Variants in DTX4 observed in about 807,000 individuals in gnomAD.
DTX4 encodes deltex E3 ubiquitin ligase 4, also known as E3 ubiquitin-protein ligase DTX4.
DTX4 carries 28 observed loss-of-function variants against 57.6 expected under a neutral mutation model. The ratio of observed to expected loss-of-function variants is 0.49; its 90% CI spans 0.36 to 0.67. The LOEUF (loss-of-function observed/expected upper bound fraction) is 0.67, where lower values mean the gene tolerates loss of function less well. Ranked by LOEUF, DTX4 falls within the 30% of genes least tolerant of loss-of-function variation. The probability of loss-of-function intolerance (pLI) is 0.00; values close to 1 mark genes in which losing one functional copy is unlikely to be tolerated. For synonymous variants in DTX4, 316 were observed against 331.0 expected (o/e 0.95, Z 0.49); for missense variants, 715 against 836.8 (o/e 0.85, Z 1.80).
intron 2 of DTX4, among the ~76,000 whole-genome samples, chr11:59,186,185 A>G (rs906422797): frequency 2.0e-5 from 3 of 151,930 alleles, no homozygotes; most frequent in Admixed American, 1.3e-4. Flanking sequence ...TGTTGAACCC[A>G]TAGTCTTCTT....
Position 59,199,702 on chromosome 11 carries a change from C to G in DTX4, c.1555C>G (p.Pro519Ala). The change falls in exon 8 of 9, where the codon CCT (proline) becomes GCT (alanine). Residue 519 changes from proline to alanine, a missense_variant. By Grantham distance (27) the Pro-to-Ala change is conservative (BLOSUM62 -1). Transcript: ENST00000227451. ...CTTTCAGGGACCGGAACACCCGAAT[C>G]CTGGGAAGAGTTTCAGCGCCCGAGG... ...PGIQGPEHPN[P>A]GKSFSARGFP... 6.3e-7 allele frequency: 1 copy of G among 1,577,224 alleles called. No homozygotes were observed. The highest frequency in any genetic ancestry group is 1.2e-5 in the South Asian group (1 of 85,444).
Position 59,182,380 on chromosome 11 carries a change from G to A in DTX4, c.853G>A (p.Gly285Arg), listed in dbSNP as rs370919698. ...TCCCCCAGGACCCAACAGCAAGACC[G>A]GAAGGGTGGCCCTGGCCACCTTGAA... Reference protein sequence around the residue: ...ASPPGPNSKTGRVALATLNRT... With the variant: ...ASPPGPNSKTRRVALATLNRT... The change falls in exon 2 of 9, where the codon GGA becomes AGA. Residue 285 changes from glycine to arginine, a missense_variant. By Grantham distance (125) the Gly-to-Arg change is moderately radical. Coordinates refer to ENST00000227451, the MANE Select transcript of DTX4 (RefSeq NM_015177.2). 1.5e-5 allele frequency: 24 copies of A among 1,613,602 alleles called. No homozygotes were observed. Among genetic ancestry groups the A allele is most frequent in the South Asian group, 6.6e-5 (6 of 91,058 alleles).
At position 59,192,128 on chromosome 11, in the gene DTX4, G is replaced by GC. The variant is rs1862606709; in HGVS notation, c.1257dup (p.Ser420LeufsTer13). ...CACCATCTGTATGGAACGCCTCACG[G>GC]CCCCCTCAGGCTACAAGGGCCCGCA... On this transcript the variant is annotated frameshift_variant, in exon 6 of 9. Transcript: ENST00000227451. LOFTEE classifies it high-confidence loss of function. The GC allele has an allele frequency of 6.2e-7, 1 of 1,613,726 alleles. No homozygotes were observed. The highest frequency in any genetic ancestry group is 8.5e-7 in the Non-Finnish European group (1 of 1,179,886).
At chr11:59,201,347 C>T (rs554013407) in intron 8 of DTX4, among the ~76,000 whole-genome samples, 5 of 152,190 alleles carry the variant, frequency 3.3e-5, no homozygotes, top group East Asian at 1.9e-4. Flanking sequence ...CAGCTTCAGT[C>T]GGCTCCACGT....
In DTX4 at chr11:59,205,349, C is replaced by T. The variant is rs146589633; in HGVS notation, c.*440C>T. On this transcript the variant is annotated 3_prime_UTR_variant, in exon 9 of 9. Coordinates refer to ENST00000227451, the MANE Select transcript of DTX4 (RefSeq NM_015177.2). ...GAGACTGGAGTTTCTGCTATTCTCC[C>T]TCTGCTGGAGGCAGGGAGCTCTCAC... is the stretch of plus-strand genomic sequence containing the variant. The T allele has an allele frequency of 1.3e-3, 240 of 186,332 alleles. 1 individual carries two copies. The highest frequency in any genetic ancestry group is 5.2e-3 in the African/African-American group (228 of 43,480). 11.5% of individuals were successfully genotyped at this position (186,332 alleles called of 1,614,324 possible). A position where few individuals can be genotyped will look rare whatever the true frequency, so the allele number is the denominator to read the frequency against.
At chr11:59,204,594 G>A (rs1411985194) in intron 8 of DTX4, 82 bp from the exon 9 acceptor site, 2 of 1,309,750 alleles carry the variant, frequency 1.5e-6, no homozygotes, top group Non-Finnish European at 2.1e-6. Context: ...TGGGGCCCTT[G>A]GGAGGATTCT....
chr11:59,192,318 G>T, intron 6 of DTX4, 68 bp downstream of exon 6: 2 of 1,565,052 alleles, frequency 1.3e-6, no homozygotes, highest in Non-Finnish European at 1.8e-6. Context: ...GATGGTGAAG[G>T]CCCTTTAGGG....
At chr11:59,191,228 T>C (rs1168380184) in intron 5 of DTX4, 53 bp downstream of exon 5, 8 of 1,519,458 alleles carry the variant, frequency 5.3e-6, no homozygotes, top group Non-Finnish European at 7.2e-6. Flanking sequence ...CCACAAGCAT[T>C]TCCTCTTCTG....
At chr11:59,177,752 A>T (rs1862413128) in intron 1 of DTX4, among the ~76,000 whole-genome samples, 1 of 152,040 alleles carries the variant, frequency 6.6e-6, no homozygotes, top group African/African-American at 2.4e-5. Context: ...GTCCTTTGCC[A>T]TTTTTACCTC....
At chr11:59,193,178 C>A (rs993573610) in intron 6 of DTX4, among the ~76,000 whole-genome samples, 1 of 152,148 alleles carries the variant, frequency 6.6e-6, no homozygotes, top group African/African-American at 2.4e-5. Flanking sequence ...AGGTGGGAGA[C>A]CTGAGCTTGA....
chr11:59,177,236 A>C (rs1194163305), intron 1 of DTX4, among the ~76,000 whole-genome samples: 2 of 152,168 alleles, frequency 1.3e-5, no homozygotes, highest in African/African-American at 2.4e-5. Flanking sequence ...GGCCATTCAC[A>C]TGCAGATTCC....
chr11:59,180,291 C>A (rs1862447381), intron 1 of DTX4, among the ~76,000 whole-genome samples: 1 of 152,078 alleles, frequency 6.6e-6, no homozygotes, highest in Non-Finnish European at 1.5e-5. Flanking sequence ...CCTCCCCTGC[C>A]CCCACCATCC....
intron 4 of DTX4, among the ~76,000 whole-genome samples, chr11:59,189,912 G>A (rs192844438): frequency 3.9e-5 from 6 of 152,156 alleles, no homozygotes; most frequent in Admixed American, 2.0e-4. Context: ...TAGCACTGCA[G>A]GACCCCAGCT....
chr11:59,194,953 C>G lies in DTX4; in HGVS notation c.1375-255C>G, dbSNP rs1862643680. Reference sequence around the variant, plus strand: ...CCTGCCCTAGAGAGCTGGTCCCCTCCTCAGGGACAGGGGCTTCTCTTACAT... The same window carrying G: ...CCTGCCCTAGAGAGCTGGTCCCCTCGTCAGGGACAGGGGCTTCTCTTACAT... On this transcript the variant is annotated intron_variant, in intron 6 of 8. Coordinates refer to ENST00000227451, the MANE Select transcript of DTX4 (RefSeq NM_015177.2). 5 of 516,198 alleles carry G rather than the reference C, an allele frequency of 9.7e-6. No individual in the cohort carries two copies. The Admixed American group carries it at 1.4e-4, about 14-fold the overall frequency. 32.0% of individuals were successfully genotyped at this position (516,198 alleles called of 1,614,324 possible).
chr11:59,188,113 A>C (rs536014538), intron 2 of DTX4, among the ~76,000 whole-genome samples: 1 of 152,342 alleles, frequency 6.6e-6, no homozygotes, highest in East Asian at 1.9e-4. Flanking sequence ...ACAAATATCA[A>C]TTGAATGCCT....
At chr11:59,180,791 G>C (rs1862453323) in intron 1 of DTX4, among the ~76,000 whole-genome samples, 1 of 152,122 alleles carries the variant, frequency 6.6e-6, no homozygotes, top group Non-Finnish European at 1.5e-5. Context: ...GTTCATATCT[G>C]CTGTACCATT....
At position 59,205,039 on chromosome 11, in the gene DTX4, C is replaced by T; in HGVS notation, c.*130C>T. ...CTATCCTCCCCTCCTGCCCTGTGTCCATCCCTCATCCCTCCCAACCACAGT... is the reference window on the plus strand; with the variant it reads ...CTATCCTCCCCTCCTGCCCTGTGTCTATCCCTCATCCCTCCCAACCACAGT... On this transcript the variant is annotated 3_prime_UTR_variant, in exon 9 of 9. Coordinates refer to ENST00000227451, the MANE Select transcript of DTX4 (RefSeq NM_015177.2). 1 of 721,002 alleles carries T rather than the reference C, an allele frequency of 1.4e-6. No homozygotes were observed. Among genetic ancestry groups the T allele is most frequent in the Non-Finnish European group, 2.3e-6 (1 of 434,196 alleles). The allele number at this position is 721,002 out of a possible 1,614,324, so 44.7% of individuals were successfully genotyped here. A position where few individuals can be genotyped will look rare whatever the true frequency, so the allele number is the denominator to read the frequency against.
At chr11:59,197,517 C>T (rs1325065150) in intron 7 of DTX4, among the ~76,000 whole-genome samples, 3 of 151,864 alleles carry the variant, frequency 2.0e-5, no homozygotes, top group African/African-American at 7.3e-5. Context: ...GGGCGGGGGT[C>T]GTGGATTTTA....
At chr11:59,204,006 T>C (rs1862771944) in intron 8 of DTX4, among the ~76,000 whole-genome samples, 1 of 152,224 alleles carries the variant, frequency 6.6e-6, no homozygotes, top group South Asian at 2.1e-4. Flanking sequence ...TGGACACTAC[T>C]CTGACCAAGG....
Sources: gnomAD v4.1 joint callset for allele counts (sites outside exome capture counted in the v4.1 genomes callset) on GRCh38, gnomAD v4.1.1 for gene constraint, MANE v1.5 for transcripts, NCBI Gene and HGNC (gene_info 2026-07-23, HGNC 2026-07-21) for gene names.